USP53: variants seen among roughly 807,000 people sequenced by gnomAD.
USP53 encodes ubiquitin specific peptidase 53, also known as ubiquitin carboxyl-terminal hydrolase 53.
USP53 carries 71 observed loss-of-function variants against 94.9 expected under a neutral mutation model. The ratio of observed to expected loss-of-function variants is 0.75; its 90% CI spans 0.62 to 0.91. The LOEUF (loss-of-function observed/expected upper bound fraction) is 0.91. USP53 is among the 40% of genes least tolerant of loss of function. The pLI is 0.00. For missense variants in USP53, 1,173 were observed against 1,281.0 expected (o/e 0.92, Z 1.29); for synonymous variants, 375 against 422.7 (o/e 0.89, Z 1.39).
chr4:119,262,854 T>C (rs1750676346), intron 12 of USP53, among the ~76,000 whole-genome samples: 1 of 152,242 alleles, frequency 6.6e-6, no homozygotes. Flanking sequence ...TAAAAAAACA[T>C]ATATTCCTGG....
intron 16 of USP53, 109 bp from the exon 17 acceptor site, chr4:119,273,523 A>G (rs1431387073): frequency 5.5e-6 from 4 of 726,726 alleles, no homozygotes; most frequent in Admixed American, 5.3e-5. Flanking sequence ...ATTAAGCCCT[A>G]GAACAGCACA....
Position 119,273,679 on chromosome 4 carries a change from C to A in USP53, c.2222C>A (p.Thr741Asn), listed in dbSNP as rs755230695. The A allele has an allele frequency of 1.2e-6, 2 of 1,612,164 alleles. No homozygotes were observed. Among genetic ancestry groups the A allele is most frequent in the Non-Finnish European group, 1.7e-6 (2 of 1,178,946 alleles). ...SNLNKERGDC[T>N]SLQSQHHLEG... ...CTAAATAAAGAACGTGGGGACTGTA[C>A]CTCCCTTCAGAGCCAACATCACTTA... The change falls in exon 17 of 19, where the codon ACC becomes AAC. Residue 741 changes from threonine to asparagine, a missense_variant. Coordinates refer to ENST00000692078, the MANE Select transcript of USP53 (RefSeq NM_001371395.1).
At chr4:119,228,144 G>T (rs1172699126) in intron 3 of USP53, among the ~76,000 whole-genome samples, 1 of 152,158 alleles carries the variant, frequency 6.6e-6, no homozygotes. Context: ...TCTGTGCTCT[G>T]GATCTTACAA....
At position 119,273,651 on chromosome 4, in the gene USP53, A is replaced by G. The variant is rs1408338208; in HGVS notation, c.2194A>G (p.Asn732Asp). The G allele has an allele frequency of 1.1e-5, 17 of 1,613,196 alleles. No homozygotes were observed. Among genetic ancestry groups the G allele is most frequent in the Non-Finnish European group, 1.4e-5 (16 of 1,179,452 alleles). ...VCFSDQITTS[N>D]LNKERGDCTS... is the part of the protein sequence containing the mutation. ...TTCTAGTGACCAGATTACGACAAGCAACCTAAATAAAGAACGTGGGGACTG... is the reference window on the plus strand; with the variant it reads ...TTCTAGTGACCAGATTACGACAAGCGACCTAAATAAAGAACGTGGGGACTG... The change falls in exon 17 of 19, where the codon AAC becomes GAC. Residue 732 changes from asparagine (N) to aspartate (D), a missense_variant. Asn to Asp is a conservative substitution (Grantham distance 23). Coordinates refer to ENST00000692078, the MANE Select transcript of USP53 (RefSeq NM_001371395.1).
At position 119,292,584 on chromosome 4, in the gene USP53, A is replaced by C. The variant is rs928934726; in HGVS notation, c.2595A>C (p.Ser865=). ...ATGAACCATCTTCATTATGGTCTTC[A>C]CACCTAAGAACTGTTGGGTTAAAGC... ...NSNEPSSLWS[S]HLRTVGLKPE... The change falls in exon 19 of 19, where the codon TCA becomes TCC. Residue 865 remains serine (S), a synonymous_variant. Transcript: ENST00000692078. 4.3e-6 allele frequency: 7 copies of C among 1,614,052 alleles called. No individual in the cohort carries two copies. In the African/African-American group the frequency reaches 8.0e-5, roughly 18 times the overall value.
At chr4:119,240,629 G>A (rs1292110005) in intron 5 of USP53, among the ~76,000 whole-genome samples, 10 of 152,066 alleles carry the variant, frequency 6.6e-5, no homozygotes, top group Non-Finnish European at 1.3e-4. Context: ...CATATATAAT[G>A]ATTCACTTTT....
chr4:119,248,964 C>T (rs1267935806), intron 7 of USP53, 82 bp downstream of exon 7: 1 of 1,533,288 alleles, frequency 6.5e-7, no homozygotes, highest in African/African-American at 1.4e-5. Context: ...ACAAATGAAA[C>T]AAAAATTTAG....
At chr4:119,217,305 T>G (rs912833055) in intron 2 of USP53, among the ~76,000 whole-genome samples, 1 of 152,122 alleles carries the variant, frequency 6.6e-6, no homozygotes, top group Non-Finnish European at 1.5e-5. Context: ...GAGCCCTAAA[T>G]TTTTCCTCCT....
intron 17 of USP53, among the ~76,000 whole-genome samples, chr4:119,280,643 G>C (rs1753412733): frequency 6.6e-6 from 1 of 152,188 alleles, no homozygotes. Context: ...GGAAAGCTAT[G>C]AGAAAAGGGG....
chr4:119,251,566 G>A (rs1402941148), intron 7 of USP53, among the ~76,000 whole-genome samples: 1 of 152,154 alleles, frequency 6.6e-6, no homozygotes. Flanking sequence ...TCCAGCATCT[G>A]TTGTTTCTTG....
chr4:119,230,479 A>G (rs1056922377), intron 3 of USP53, among the ~76,000 whole-genome samples: 10 of 152,172 alleles, frequency 6.6e-5, no homozygotes, highest in Admixed American at 6.5e-4. Context: ...GTCCTGGCAT[A>G]TGACCTAATG....
intron 10 of USP53, 81 bp downstream of exon 10, chr4:119,260,006 A>G: frequency 1.0e-6 from 1 of 972,508 alleles, no homozygotes; most frequent in Non-Finnish European, 1.5e-6. Context: ...TCATGTAAAT[A>G]TTGATTCTAT....
At chr4:119,221,467 A>AAG (rs55903149) in intron 3 of USP53, 52,036 of 151,294 alleles carry the variant, frequency 0.34, 9,042 homozygotes, top group South Asian at 0.38. Context: ...TTGAATTAGA[A>AAG]AATTTAATAT....
chr4:119,245,385 G>A lies in USP53; in HGVS notation c.193G>A (p.Gly65Arg), dbSNP rs1561239390. ...IFRRSLRVLT[G>R]HVCQGDACIF... ...CCGACGAAGCTTGCGGGTTTTGACTGGACATGTTTGTCAGGGAGATGCCTG... is the reference window on the plus strand; with the variant it reads ...CCGACGAAGCTTGCGGGTTTTGACTAGACATGTTTGTCAGGGAGATGCCTG... Residue 65 changes from glycine (G) to arginine (R), a missense_variant, in exon 6 of 19, where the codon GGA becomes AGA. Transcript: ENST00000692078. The A allele has an allele frequency of 1.2e-6, 2 of 1,613,724 alleles. No individual in the cohort carries two copies. The highest frequency in any genetic ancestry group is 1.7e-6 in the Non-Finnish European group (2 of 1,179,866).
Position 119,239,779 on chromosome 4 carries a change from T to TA in USP53, c.21dup (p.Arg8ThrfsTer28), listed in dbSNP as rs1229833293. 1.2e-6 allele frequency: 2 copies of TA among 1,611,568 alleles called. No homozygotes were observed. The highest frequency in any genetic ancestry group is 1.7e-6 in the Non-Finnish European group (2 of 1,179,172). ...TTGAAAATGGCATGGGTAAAATTCT[T>TA]ACGGAAACCTGGTGGCAATCTTGGA... On this transcript the variant is annotated frameshift_variant, in exon 5 of 19. Coordinates refer to ENST00000692078, the MANE Select transcript of USP53 (RefSeq NM_001371395.1). LOFTEE classifies it high-confidence loss of function.
At chr4:119,226,102 A>T (rs936785917) in intron 3 of USP53, among the ~76,000 whole-genome samples, 9 of 152,228 alleles carry the variant, frequency 5.9e-5, no homozygotes, top group African/African-American at 2.2e-4. Context: ...AATTTAAAAA[A>T]TTTTGACAAA....
intron 3 of USP53, among the ~76,000 whole-genome samples, chr4:119,228,526 A>G (rs1411753653): frequency 6.6e-6 from 1 of 152,168 alleles, no homozygotes; most frequent in Non-Finnish European, 1.5e-5. Flanking sequence ...TCATATTTAC[A>G]GGTTTCTATA....
intron 16 of USP53, chr4:119,272,560 C>T (rs56072232): frequency 0.22 from 33,001 of 152,472 alleles, 4,083 homozygotes; most frequent in South Asian, 0.32. Context: ...ACTACAGACA[C>T]GCACCACCAC....
intron 17 of USP53, among the ~76,000 whole-genome samples, chr4:119,282,765 A>G (rs1033281810): frequency 1.3e-5 from 2 of 151,916 alleles, no homozygotes; most frequent in South Asian, 2.1e-4. Flanking sequence ...TTTTCCCCCA[A>G]TAAGGGACAA....
Sources: allele counts gnomAD v4.1 joint callset (sites outside exome capture counted in the v4.1 genomes callset), GRCh38; gene constraint gnomAD v4.1.1; transcripts MANE v1.5; gene names NCBI Gene and HGNC (gene_info 2026-07-23, HGNC 2026-07-21).